The following NCOA1 variants were observed in gnomAD, a reference collection of about 807,000 sequenced individuals.
NCOA1 encodes the protein nuclear receptor coactivator 1.
A neutral mutation model predicts 150.9 loss-of-function variants in NCOA1; 35 were observed. The observed-to-expected ratio is 0.23, with a 90% CI of 0.18 to 0.31. The LOEUF is 0.31. Ranked by LOEUF, NCOA1 falls within the 10% of genes least tolerant of loss-of-function variation. NCOA1 has a pLI of 1.00. For missense variants in NCOA1, 1,491 were observed against 1,749.3 expected (o/e 0.85, Z 2.63); for synonymous variants, 590 against 630.0 (o/e 0.94, Z 0.95).
chr2:24,693,825 A>G (rs55698649), intron 10 of NCOA1, among the ~76,000 whole-genome samples: 8 of 152,086 alleles, frequency 5.3e-5, no homozygotes, highest in Non-Finnish European at 8.8e-5. Context: ...CAAGATGTAT[A>G]TGGTTGAACA....
At chr2:24,525,089 A>G (rs781388904) in intron 1 of NCOA1, among the ~76,000 whole-genome samples, 23 of 152,242 alleles carry the variant, frequency 1.5e-4, no homozygotes, top group Non-Finnish European at 2.8e-4. Context: ...GAGCTTGTGC[A>G]CAAAAGTGCA....
chr2:24,574,892 T>G (rs1666890248), intron 2 of NCOA1, among the ~76,000 whole-genome samples: 1 of 152,182 alleles, frequency 6.6e-6, no homozygotes, highest in Non-Finnish European at 1.5e-5. Context: ...TTTTTTCCTC[T>G]TCTGGCAGTC....
intron 9 of NCOA1, 67 bp from the exon 10 acceptor site, chr2:24,693,185 G>A: frequency 2.1e-6 from 3 of 1,431,502 alleles, no homozygotes; most frequent in Non-Finnish European, 3.0e-6. Flanking sequence ...AACCATTAAT[G>A]GCGAGTGATA....
At chr2:24,686,082 A>G (rs1035832821) in intron 8 of NCOA1, among the ~76,000 whole-genome samples, 2 of 152,064 alleles carry the variant, frequency 1.3e-5, no homozygotes, top group Non-Finnish European at 1.5e-5. Context: ...GCTCACTGCA[A>G]CCTCCGCCTC....
At chr2:24,689,314 A>G (rs1672553683) in intron 8 of NCOA1, among the ~76,000 whole-genome samples, 2 of 152,012 alleles carry the variant, frequency 1.3e-5, no homozygotes, top group South Asian at 2.1e-4. Context: ...TTTGGGCAGT[A>G]TGGCCATTTT....
At chr2:24,691,044 A>G (rs982974381) in intron 8 of NCOA1, among the ~76,000 whole-genome samples, 3 of 152,198 alleles carry the variant, frequency 2.0e-5, no homozygotes, top group Non-Finnish European at 4.4e-5. Flanking sequence ...GTGCACATCC[A>G]CACAAAAGCC....
chr2:24,699,015 G>T (rs1673032286), intron 11 of NCOA1, among the ~76,000 whole-genome samples: 1 of 152,148 alleles, frequency 6.6e-6, no homozygotes, highest in African/African-American at 2.4e-5. Flanking sequence ...ACTGGGTAGA[G>T]CTAAGAATCT....
chr2:24,621,541 A>T (rs980242620), intron 3 of NCOA1, among the ~76,000 whole-genome samples: 7 of 139,522 alleles, frequency 5.0e-5, no homozygotes, highest in African/African-American at 1.9e-4. Context: ...ATCTCAGCTC[A>T]CTGCAACCTC....
intron 1 of NCOA1, among the ~76,000 whole-genome samples, chr2:24,539,568 G>A (rs1665305242): frequency 6.6e-6 from 1 of 152,186 alleles, no homozygotes; most frequent in African/African-American, 2.4e-5. Context: ...AGCTGGGCAA[G>A]GGACAGATTC....
At chr2:24,659,672 T>G (rs1008061990) in intron 5 of NCOA1, among the ~76,000 whole-genome samples, 7 of 152,146 alleles carry the variant, frequency 4.6e-5, no homozygotes, top group Admixed American at 1.3e-4. Context: ...AGTGGAGATT[T>G]TATTCCACTC....
chr2:24,496,356 G>A (rs893807542), intron 1 of NCOA1, among the ~76,000 whole-genome samples: 5 of 152,026 alleles, frequency 3.3e-5, no homozygotes, highest in African/African-American at 7.3e-5. Context: ...GAAATACTTC[G>A]CAAACTGTAA....
At chr2:24,689,378 T>C (rs926182401) in intron 8 of NCOA1, among the ~76,000 whole-genome samples, 4 of 152,134 alleles carry the variant, frequency 2.6e-5, no homozygotes, top group African/African-American at 9.7e-5. Flanking sequence ...TATGTGTTTG[T>C]GTCATCTCTG....
intron 19 of NCOA1, among the ~76,000 whole-genome samples, chr2:24,751,071 T>C (rs1180565236): frequency 6.7e-6 from 1 of 150,192 alleles, no homozygotes; most frequent in Non-Finnish European, 1.5e-5. Flanking sequence ...CACTGCAACC[T>C]CTGCCTCCCA....
At chr2:24,763,959 A>G (rs988048485) in intron 22 of NCOA1, among the ~76,000 whole-genome samples, 1 of 152,110 alleles carries the variant, frequency 6.6e-6, no homozygotes, top group Non-Finnish European at 1.5e-5. Context: ...TAACCCAGGG[A>G]TTATGCCACA....
At chr2:24,491,887 G>C (rs1488615515) in intron 1 of NCOA1, 2 of 151,796 alleles carry the variant, frequency 1.3e-5, no homozygotes. Context: ...AGTTGCCCTA[G>C]TTAGCGCGGA....
At chr2:24,700,143 C>CTAATAA (rs60674114) in intron 11 of NCOA1, among the ~76,000 whole-genome samples, 6,018 of 143,012 alleles carry the variant, frequency 0.042, 149 homozygotes, top group Non-Finnish European at 0.046. Context: ...AACTTCATCG[C>CTAATAA]TAATAATAAT....
At chr2:24,739,086 C>T (rs1663472077) in intron 17 of NCOA1, among the ~76,000 whole-genome samples, 1 of 152,092 alleles carries the variant, frequency 6.6e-6, no homozygotes, top group African/African-American at 2.4e-5. Flanking sequence ...AGGGCTGGTA[C>T]TTCTTCTTCC....
At chr2:24,683,549 A>G (rs1672272205) in intron 8 of NCOA1, among the ~76,000 whole-genome samples, 1 of 152,204 alleles carries the variant, frequency 6.6e-6, no homozygotes, top group Non-Finnish European at 1.5e-5. Flanking sequence ...GAGGAATTCC[A>G]AGTATGGTTG....
At chr2:24,507,435 G>GGT in intron 1 of NCOA1, among the ~76,000 whole-genome samples, 1 of 126,506 alleles carries the variant, frequency 7.9e-6, no homozygotes, top group South Asian at 2.6e-4. Flanking sequence ...GAGCTGCTGG[G>GGT]TTTTTTTTTT....
Sources: gnomAD v4.1 joint callset for allele counts (sites outside exome capture counted in the v4.1 genomes callset) on GRCh38, gnomAD v4.1.1 for gene constraint, MANE v1.5 for transcripts, NCBI Gene and HGNC (gene_info 2026-07-23, HGNC 2026-07-21) for gene names.